Variants in PGPEP1L observed in about 807,000 individuals in gnomAD.
PGPEP1L encodes pyroglutamyl-peptidase 1-like protein.
Under a neutral mutation model 6.0 loss-of-function variants are expected in PGPEP1L, and 7 were observed. The ratio of observed to expected loss-of-function variants is 1.17; its 90% CI spans 0.66 to 2.19. The LOEUF is 2.19. Among genes scored for constraint, PGPEP1L ranks in the 30% most tolerant of loss-of-function variants. The pLI, the probability that PGPEP1L is intolerant of heterozygous loss-of-function variation, is 0.00. For missense variants in PGPEP1L, 209 were observed against 192.5 expected (o/e 1.09, Z -0.51); for synonymous variants, 103 against 83.9 (o/e 1.23, Z -1.24).
intron 2 of PGPEP1L, 53 bp from the exon 3 acceptor site, chr15:98,971,211 TGGG>T (rs1567234146): frequency 1.3e-5 from 3 of 234,888 alleles, no homozygotes; most frequent in Non-Finnish European, 1.7e-5. Context: ...GGGGGGGGGG[TGGG>T]CACCAAGAGT....
intron 2 of PGPEP1L, among the ~76,000 whole-genome samples, chr15:98,976,211 G>A (rs1470888251): frequency 6.6e-6 from 1 of 152,004 alleles, no homozygotes; most frequent in Non-Finnish European, 1.5e-5. Flanking sequence ...GGGTTAAAAT[G>A]GTAAATTTAA....
At chr15:99,007,235 G>A (rs1339188451) in intron 1 of PGPEP1L, 124 bp downstream of exon 1, 2 of 149,700 alleles carry the variant, frequency 1.3e-5, no homozygotes, top group Non-Finnish European at 3.0e-5. Context: ...GTGGGATGCA[G>A]AGGATTTTTG....
intron 2 of PGPEP1L, among the ~76,000 whole-genome samples, chr15:98,996,342 TAAGGG>T (rs1454242188): frequency 1.3e-5 from 2 of 152,188 alleles, no homozygotes; most frequent in African/African-American, 4.8e-5. Context: ...CAAGGTCCCT[TAAGGG>T]ACTGACTTAA....
At chr15:98,980,190 A>G (rs7168370) in intron 2 of PGPEP1L, among the ~76,000 whole-genome samples, 129,024 of 152,100 alleles carry the variant, frequency 0.85, 56,127 homozygotes, top group South Asian at 0.94. Context: ...AAAATAAAGA[A>G]TAAATAAATG....
At position 98,968,702 on chromosome 15, in the gene PGPEP1L, A is replaced by C. The variant is rs1013231466; in HGVS notation, c.210-5T>G. On this transcript the variant is annotated splice_polypyrimidine_tract_variant and splice_region_variant and intron_variant, in intron 4 of 4. Coordinates refer to ENST00000535714, the MANE Select transcript of PGPEP1L (RefSeq NM_001167902.2). ...TAGGTATAATCACAGACGTATCTGC[A>C]ACCACAGGAAATGCCACATTAATTC... 1.3e-6 allele frequency: 2 copies of C among 1,556,440 alleles called. No homozygotes were observed. Among genetic ancestry groups the C allele is most frequent in the African/African-American group, 2.7e-5 (2 of 73,368 alleles).
intron 2 of PGPEP1L, among the ~76,000 whole-genome samples, chr15:98,999,867 GAGA>G (rs2017935846): frequency 6.6e-6 from 1 of 152,280 alleles, no homozygotes. Flanking sequence ...ACATGCTACT[GAGA>G]AGGTGACAGC....
At chr15:98,969,365 A>G in intron 4 of PGPEP1L, 60 bp downstream of exon 4, 2 of 1,596,600 alleles carry the variant, frequency 1.3e-6, no homozygotes, top group Non-Finnish European at 1.7e-6. Flanking sequence ...GGTCGGGGGG[A>G]CGCTGACGGC....
chr15:98,998,030 G>C (rs1254202353), intron 2 of PGPEP1L: 2 of 152,628 alleles, frequency 1.3e-5, no homozygotes, highest in African/African-American at 4.8e-5. Flanking sequence ...TGACGGGCCT[G>C]AACGCCGGAG....
chr15:99,002,407 C>T (rs1313097270), intron 2 of PGPEP1L, among the ~76,000 whole-genome samples: 5 of 152,214 alleles, frequency 3.3e-5, no homozygotes, highest in Non-Finnish European at 5.9e-5. Context: ...AGAGCTAGCA[C>T]GAGTGAGCTT....
At chr15:98,996,627 G>A (rs1424570270) in intron 2 of PGPEP1L, among the ~76,000 whole-genome samples, 1 of 151,982 alleles carries the variant, frequency 6.6e-6, no homozygotes, top group Non-Finnish European at 1.5e-5. Context: ...CTGCGTGTAT[G>A]TGTGTTGTGT....
intron 2 of PGPEP1L, among the ~76,000 whole-genome samples, chr15:98,988,511 C>T (rs1276014126): frequency 2.6e-5 from 4 of 152,336 alleles, no homozygotes; most frequent in South Asian, 2.1e-4. Context: ...ATAGCTAAAA[C>T]CCCCATCTCC....
intron 2 of PGPEP1L, among the ~76,000 whole-genome samples, chr15:98,985,303 C>T (rs1006828993): frequency 6.6e-6 from 1 of 152,156 alleles, no homozygotes; most frequent in African/African-American, 2.4e-5. Flanking sequence ...CTTTGGGAGG[C>T]CAAGGCGGGA....
intron 3 of PGPEP1L, among the ~76,000 whole-genome samples, chr15:98,970,559 G>A (rs1009173060): frequency 1.3e-4 from 19 of 151,848 alleles, no homozygotes; most frequent in Middle Eastern, 3.2e-3. Context: ...TTTTTTGGGG[G>A]GGTGGGGTTG....
chr15:98,987,855 C>T (rs900541037), intron 2 of PGPEP1L, among the ~76,000 whole-genome samples: 16 of 152,150 alleles, frequency 1.1e-4, no homozygotes, highest in Middle Eastern at 3.4e-3. Flanking sequence ...CAGGGTGGGG[C>T]GCTGTCCCAC....
chr15:99,002,336 A>C (rs1277059922), intron 2 of PGPEP1L, among the ~76,000 whole-genome samples: 2 of 152,210 alleles, frequency 1.3e-5, no homozygotes, highest in African/African-American at 4.8e-5. Flanking sequence ...ATACAGATGG[A>C]GAACAGACTA....
At chr15:98,987,833 G>A (rs559042950) in intron 2 of PGPEP1L, among the ~76,000 whole-genome samples, 1 of 152,232 alleles carries the variant, frequency 6.6e-6, no homozygotes, top group Non-Finnish European at 1.5e-5. Context: ...GCCCACAGAG[G>A]GTGAGCTGAA....
At chr15:98,982,584 G>A (rs541842597) in intron 2 of PGPEP1L, among the ~76,000 whole-genome samples, 43 of 152,218 alleles carry the variant, frequency 2.8e-4, no homozygotes, top group African/African-American at 8.2e-4. Context: ...CCACTGAAGC[G>A]GGTGCCCAGG....
chr15:98,990,152 G>A (rs1451811628), intron 2 of PGPEP1L, among the ~76,000 whole-genome samples: 7 of 152,098 alleles, frequency 4.6e-5, no homozygotes, highest in African/African-American at 1.4e-4. Context: ...AAATGTAAAT[G>A]GGCTAAATGC....
intron 2 of PGPEP1L, among the ~76,000 whole-genome samples, chr15:98,979,630 ATTCT>A (rs2017626805): frequency 1.1e-4 from 12 of 105,932 alleles, no homozygotes; most frequent in South Asian, 2.7e-4. Flanking sequence ...ATTGGAGACT[ATTCT>A]TTTTTTTTTT....
Sources: allele counts gnomAD v4.1 joint callset (sites outside exome capture counted in the v4.1 genomes callset), GRCh38; gene constraint gnomAD v4.1.1; transcripts MANE v1.5; gene names NCBI Gene and HGNC (gene_info 2026-07-23, HGNC 2026-07-21).